DPY19L4: variants seen among roughly 807,000 people sequenced by gnomAD.
The protein encoded by DPY19L4 is probable C-mannosyltransferase DPY19L4.
Under a neutral mutation model 102.8 loss-of-function variants are expected in DPY19L4, and 97 were observed. That is an observed-to-expected ratio of 0.94 (90% CI 0.80 to 1.12). The LOEUF is 1.12. DPY19L4 is among the 50% of genes most tolerant of loss of function. The probability of loss-of-function intolerance (pLI) is 0.00; values close to 1 mark genes in which losing one functional copy is unlikely to be tolerated. For synonymous variants in DPY19L4, 252 were observed against 283.1 expected, an observed-to-expected ratio of 0.89 and a Z score of 1.10; for missense variants, 815 against 850.4, an observed-to-expected ratio of 0.96 and a Z score of 0.52.
Position 94,792,892 on chromosome 8 carries a change from C to T in DPY19L4, c.*2982C>T, listed in dbSNP as rs1177386341. The T allele has an allele frequency of 6.6e-6, 1 of 152,092 alleles. No homozygotes were observed. Among genetic ancestry groups the T allele is most frequent in the Non-Finnish European group, 1.5e-5 (1 of 68,030 alleles). 9.4% of individuals were successfully genotyped at this position (152,092 alleles called of 1,614,324 possible). A position where few individuals can be genotyped will look rare whatever the true frequency, so the allele number is the denominator to read the frequency against. On this transcript the variant is annotated 3_prime_UTR_variant, in exon 19 of 19. Transcript: ENST00000414645. ...AAAGTAGAGATGGGATCTCTAGCCT[C>T]CTAAGTTAATTTAGCCTCCCAAATG...
rs771788604 is a variant in DPY19L4 at position 94,768,357 on chromosome 8, G to A, written c.1176-38G>A. ...AATACTTCTGTGTTCAGTTTAAAAC[G>A]TCTATGAATTTAATATCATACTTTT... On this transcript the variant is annotated intron_variant, in intron 11 of 18. Coordinates refer to ENST00000414645, the MANE Select transcript of DPY19L4 (RefSeq NM_181787.3). 29 of 1,507,204 alleles carry A rather than the reference G, an allele frequency of 1.9e-5. 1 individual carries two copies. The highest frequency in any genetic ancestry group is 1.3e-4 in the Admixed American group (6 of 46,268). The allele number at this position is 1,507,204 out of a possible 1,614,324, so 93.4% of individuals were successfully genotyped here. A position where few individuals can be genotyped will look rare whatever the true frequency, so the allele number is the denominator to read the frequency against.
At chr8:94,767,596 G>T (rs190580818) in intron 11 of DPY19L4, among the ~76,000 whole-genome samples, 13 of 152,036 alleles carry the variant, frequency 8.6e-5, no homozygotes, top group Non-Finnish European at 1.5e-4. Context: ...CTGGCTCAAC[G>T]AGGAGTCTTG....
At chr8:94,733,861 C>G in intron 2 of DPY19L4, among the ~76,000 whole-genome samples, 1 of 152,166 alleles carries the variant, frequency 6.6e-6, no homozygotes, top group African/African-American at 2.4e-5. Flanking sequence ...ATTTTTAAAA[C>G]AATTTTAGAT....
chr8:94,739,441 AAC>A lies in DPY19L4; in HGVS notation c.373_374del (p.Thr125CysfsTer21), dbSNP rs1216729170. 6.3e-7 allele frequency: 1 copy of A among 1,592,692 alleles called. No homozygotes were observed. Among genetic ancestry groups the A allele is most frequent in the Admixed American group, 1.9e-5 (1 of 53,226 alleles). ...GVYELTHNNK[T>X]VSLKTINAVQ... is the part of the protein sequence containing the mutation. ...TTTACGAACTGACACACAATAACAA[AAC>A]TGTATCTCTGAAGACTATAAATGCA... is the stretch of plus-strand genomic sequence containing the variant. On this transcript the variant is annotated frameshift_variant, in exon 5 of 19. Transcript: ENST00000414645. LOFTEE classifies it high-confidence loss of function.
intron 18 of DPY19L4, 65 bp from the exon 19 acceptor site, chr8:94,789,681 A>C: frequency 7.4e-7 from 1 of 1,359,514 alleles, no homozygotes; most frequent in Non-Finnish European, 1.0e-6. Flanking sequence ...TCATTTGTAT[A>C]TTGATTGCAT....
chr8:94,746,054 ATTTTTTTTTTT>A (rs35095979), intron 6 of DPY19L4, among the ~76,000 whole-genome samples: 6 of 67,108 alleles, frequency 8.9e-5, no homozygotes, highest in South Asian at 5.4e-4. Flanking sequence ...ATGCCTGGCC[ATTTTTTTTTTT>A]TTTTTTTTTT....
At chr8:94,753,443 A>G (rs915494119) in intron 6 of DPY19L4, among the ~76,000 whole-genome samples, 5 of 152,216 alleles carry the variant, frequency 3.3e-5, no homozygotes, top group Non-Finnish European at 7.3e-5. Flanking sequence ...AAAATATTTA[A>G]GTGTAATTAT....
At chr8:94,786,464 AT>A (rs1356438410) in intron 17 of DPY19L4, among the ~76,000 whole-genome samples, 1 of 151,322 alleles carries the variant, frequency 6.6e-6, no homozygotes, top group East Asian at 1.9e-4. Context: ...TAATTAATTT[AT>A]TTTTTTGAGA....
At chr8:94,735,748 A>G (rs1344314503) in intron 3 of DPY19L4, among the ~76,000 whole-genome samples, 1 of 152,170 alleles carries the variant, frequency 6.6e-6, no homozygotes, top group Non-Finnish European at 1.5e-5. Flanking sequence ...AGAATCTGGG[A>G]GCTTTTTCAG....
intron 2 of DPY19L4, among the ~76,000 whole-genome samples, chr8:94,732,022 C>T (rs901119642): frequency 3.3e-5 from 5 of 152,236 alleles, no homozygotes; most frequent in South Asian, 2.1e-4. Flanking sequence ...CCGCCTGCCT[C>T]GGCCTCCCAA....
At chr8:94,759,326 T>C (rs1321217472) in intron 7 of DPY19L4, among the ~76,000 whole-genome samples, 2 of 151,846 alleles carry the variant, frequency 1.3e-5, no homozygotes, top group Admixed American at 1.3e-4. Flanking sequence ...ATTGGTGCAT[T>C]TTACAGAGCG....
chr8:94,758,859 C>T lies in DPY19L4; in HGVS notation c.735+2700C>T, dbSNP rs7459456. Among the ~76,000 whole-genome samples, 1,142 of 152,172 alleles carry T rather than the reference C, an allele frequency of 7.5e-3. 6 individuals carry two copies. The highest frequency in any genetic ancestry group is 0.022 in the African/African-American group (905 of 41,504). Reference sequence around the variant, plus strand: ...AAGCGATTACCATGTATCGGCCTCCCTAGCAGCCAGGACTGCAGATGCACG... The same window carrying T: ...AAGCGATTACCATGTATCGGCCTCCTTAGCAGCCAGGACTGCAGATGCACG... On this transcript the variant is annotated intron_variant, in intron 7 of 18. Coordinates refer to ENST00000414645, the MANE Select transcript of DPY19L4 (RefSeq NM_181787.3).
At chr8:94,736,768 G>T (rs1811206031) in intron 3 of DPY19L4, among the ~76,000 whole-genome samples, 1 of 152,168 alleles carries the variant, frequency 6.6e-6, no homozygotes, top group Non-Finnish European at 1.5e-5. Context: ...CTCTTGCAAA[G>T]TACTAATTAA....
At chr8:94,738,317 TCAA>T in intron 3 of DPY19L4, 49 bp from the exon 4 acceptor site, 1 of 849,684 alleles carries the variant, frequency 1.2e-6, no homozygotes, top group Non-Finnish European at 1.5e-6. Context: ...AGACTCTGTC[TCAA>T]AAAAAAAAAA....
intron 12 of DPY19L4, among the ~76,000 whole-genome samples, chr8:94,769,746 G>A (rs1402624578): frequency 6.6e-6 from 1 of 151,676 alleles, no homozygotes; most frequent in Non-Finnish European, 1.5e-5. Flanking sequence ...TTTTTATCAT[G>A]TTTGAAACGT....
rs111359562 is a variant in DPY19L4, at chr8:94,765,817, ACT to A, written c.1101+13_1101+14del. 4.7e-3 allele frequency: 7,002 copies of A among 1,485,046 alleles called. 295 individuals are homozygous for A. In the African/African-American group the frequency reaches 0.086, roughly 18 times the overall value. The allele number at this position is 1,485,046 out of a possible 1,614,324, so 92.0% of individuals were successfully genotyped here. On this transcript the variant is annotated intron_variant, in intron 10 of 18. Coordinates refer to ENST00000414645, the MANE Select transcript of DPY19L4 (RefSeq NM_181787.3). Reference sequence around the variant, plus strand: ...TTGAATATTATAATGAAGGTAAGTAACTCTCTGGGATTCATATAGTAAAACAA... The same window carrying A: ...TTGAATATTATAATGAAGGTAAGTAACTCTGGGATTCATATAGTAAAACAA...
chr8:94,775,205 G>A (rs796464382), intron 13 of DPY19L4, among the ~76,000 whole-genome samples: 7 of 151,564 alleles, frequency 4.6e-5, no homozygotes, highest in African/African-American at 1.7e-4. Flanking sequence ...TTGAGACAGG[G>A]TCCTGTTCTC....
chr8:94,740,464 C>T (rs377004204), intron 6 of DPY19L4, among the ~76,000 whole-genome samples: 1 of 151,722 alleles, frequency 6.6e-6, no homozygotes, highest in African/African-American at 2.4e-5. Flanking sequence ...TTTTGTTTTT[C>T]ATTTTTTTGA....
chr8:94,757,711 A>G (rs1812222711), intron 7 of DPY19L4, among the ~76,000 whole-genome samples: 1 of 152,168 alleles, frequency 6.6e-6, no homozygotes, highest in Non-Finnish European at 1.5e-5. Context: ...CGCCTGGCCA[A>G]GAGTATATTT....
Sources: gnomAD v4.1 joint callset for allele counts (sites outside exome capture counted in the v4.1 genomes callset) on GRCh38, gnomAD v4.1.1 for gene constraint, MANE v1.5 for transcripts, NCBI Gene and HGNC (gene_info 2026-07-23, HGNC 2026-07-21) for gene names.